Variants in ARL15 observed in about 807,000 individuals in gnomAD.
The protein encoded by ARL15 is ADP-ribosylation factor-like protein 15.
A neutral mutation model predicts 25.2 loss-of-function variants in ARL15; 19 were observed. That is an observed-to-expected ratio of 0.75 (90% confidence interval 0.53 to 1.10). The LOEUF is 1.10. Ranked by LOEUF, ARL15 falls within the 50% of genes least tolerant of loss-of-function variation. The probability of loss-of-function intolerance (pLI) is 0.00; values close to 1 mark genes in which losing one functional copy is unlikely to be tolerated. For missense variants in ARL15, 220 were observed against 246.0 expected (o/e 0.89, Z 0.71); for synonymous variants, 94 against 86.8 (o/e 1.08, Z -0.46).
At chr5:54,277,761 A>G (rs946300810) in intron 1 of ARL15, among the ~76,000 whole-genome samples, 1 of 152,228 alleles carries the variant, frequency 6.6e-6, no homozygotes, top group Non-Finnish European at 1.5e-5. Flanking sequence ...CAAAAAAAAA[A>G]AGAGAAAAGA....
chr5:54,036,798 T>C (rs995469577), intron 4 of ARL15, among the ~76,000 whole-genome samples: 3 of 152,152 alleles, frequency 2.0e-5, no homozygotes, highest in African/African-American at 4.8e-5. Context: ...CAAAATTAAA[T>C]AGATTTAGTG....
At chr5:54,202,202 A>G (rs1016373709) in intron 1 of ARL15, among the ~76,000 whole-genome samples, 24 of 152,218 alleles carry the variant, frequency 1.6e-4, no homozygotes, top group Admixed American at 1.3e-3. Flanking sequence ...TGTGTGATAC[A>G]GTATTATGGT....
rs569150378 is a variant in ARL15 at position 54,143,483 on chromosome 5, G to A, written c.253+11097C>T. On this transcript the variant is annotated intron_variant, in intron 3 of 4. Coordinates refer to ENST00000504924, the MANE Select transcript of ARL15 (RefSeq NM_019087.3). ...TTAACCTATCTTTTTTTGTAGAAGT[G>A]TCTTTTGTCACCATATATAGCTGAA... Among the ~76,000 whole-genome samples the A allele has an allele frequency of 5.3e-5, 8 of 151,478 alleles. No individual in the cohort carries two copies. The South Asian group carries it at 1.7e-3, about 32-fold the overall frequency.
chr5:54,179,616 G>T (rs907678950), intron 1 of ARL15, among the ~76,000 whole-genome samples: 3 of 152,024 alleles, frequency 2.0e-5, no homozygotes, highest in African/African-American at 7.2e-5. Flanking sequence ...AGATTGACTG[G>T]GATGGAAGAA....
chr5:54,060,710 T>A (rs1015333757), intron 4 of ARL15, among the ~76,000 whole-genome samples: 1 of 152,196 alleles, frequency 6.6e-6, no homozygotes. Flanking sequence ...GCTGAAAAGA[T>A]ACCTGAAAAT....
At chr5:54,236,499 T>C (rs896367796) in intron 1 of ARL15, among the ~76,000 whole-genome samples, 8 of 152,058 alleles carry the variant, frequency 5.3e-5, no homozygotes, top group Admixed American at 4.6e-4. Context: ...CATCCAATTT[T>C]AATTTGAGCA....
At chr5:54,000,575 C>T (rs1221029413) in intron 4 of ARL15, among the ~76,000 whole-genome samples, 1 of 152,124 alleles carries the variant, frequency 6.6e-6, no homozygotes, top group Non-Finnish European at 1.5e-5. Context: ...AAATCCTGCA[C>T]TAAAGTTTAA....
chr5:54,255,768 G>A (rs9292043), intron 1 of ARL15, among the ~76,000 whole-genome samples: 7 of 151,872 alleles, frequency 4.6e-5, no homozygotes, highest in East Asian at 3.9e-4. Context: ...ACTTTCAAAC[G>A]CTCAAAACTA....
Position 54,171,879 on chromosome 5 carries a change from T to C in ARL15, c.98A>G (p.Tyr33Cys). 6.2e-7 allele frequency: 1 copy of C among 1,613,624 alleles called. No individual in the cohort carries two copies. The highest frequency in any genetic ancestry group is 8.5e-7 in the Non-Finnish European group (1 of 1,179,682). Residue 33 changes from tyrosine (Y) to cysteine (C), a missense_variant, in exon 2 of 5, where the codon TAT (tyrosine) becomes TGT (cysteine). Coordinates refer to ENST00000504924, the MANE Select transcript of ARL15 (RefSeq NM_019087.3). ...TGTGAGGCCTATGCAAACCAGGTCATATTCTGGTCGTGCAGGTGGTGGTCC... is the reference window on the plus strand; with the variant it reads ...TGTGAGGCCTATGCAAACCAGGTCACATTCTGGTCGTGCAGGTGGTGGTCC... ...CKGPPPARPEYDLVCIGLTGS... is the reference protein window; with the variant it reads ...CKGPPPARPECDLVCIGLTGS...
intron 1 of ARL15, among the ~76,000 whole-genome samples, chr5:54,270,571 C>G (rs1327952267): frequency 6.6e-6 from 1 of 152,198 alleles, no homozygotes; most frequent in East Asian, 1.9e-4. Context: ...TAAGCACTTG[C>G]AACATGCCAG....
intron 4 of ARL15, 133 bp from the exon 5 acceptor site, chr5:53,886,846 A>G: frequency 1.2e-6 from 1 of 802,790 alleles, no homozygotes; most frequent in South Asian, 1.7e-5. Context: ...CAACTTTGCA[A>G]TGTGGATGCC....
chr5:54,042,691 G>A (rs546662806), intron 4 of ARL15, among the ~76,000 whole-genome samples: 8 of 152,132 alleles, frequency 5.3e-5, no homozygotes, highest in South Asian at 2.1e-4. Flanking sequence ...CTTTTAAGTC[G>A]TCATAGGACA....
intron 4 of ARL15, among the ~76,000 whole-genome samples, chr5:53,956,253 G>T (rs573728786): frequency 1.3e-5 from 2 of 151,660 alleles, no homozygotes; most frequent in African/African-American, 4.8e-5. Flanking sequence ...TACATCCCTC[G>T]TTTTAATAGT....
intron 4 of ARL15, among the ~76,000 whole-genome samples, chr5:54,111,512 G>C (rs553828572): frequency 6.6e-6 from 1 of 152,106 alleles, no homozygotes; most frequent in South Asian, 2.1e-4. Flanking sequence ...CATATGTTAG[G>C]TTTAAAGATA....
chr5:53,931,686 T>C (rs960699996), intron 4 of ARL15, among the ~76,000 whole-genome samples: 1 of 152,222 alleles, frequency 6.6e-6, no homozygotes, highest in Non-Finnish European at 1.5e-5. Context: ...TTTTCCTACA[T>C]AGTACATTGC....
At chr5:54,070,185 G>A (rs375361135) in intron 4 of ARL15, among the ~76,000 whole-genome samples, 5 of 151,458 alleles carry the variant, frequency 3.3e-5, no homozygotes, top group African/African-American at 1.2e-4. Flanking sequence ...GAAGTCAGGA[G>A]ATCAAGACCA....
intron 4 of ARL15, among the ~76,000 whole-genome samples, chr5:54,084,364 A>C (rs1277448482): frequency 6.8e-6 from 1 of 147,050 alleles, no homozygotes; most frequent in Non-Finnish European, 1.5e-5. Flanking sequence ...AGATCTGGAG[A>C]CTCCCAGAGG....
At chr5:54,296,974 A>T (rs891849054) in intron 1 of ARL15, among the ~76,000 whole-genome samples, 1 of 152,216 alleles carries the variant, frequency 6.6e-6, no homozygotes, top group Non-Finnish European at 1.5e-5. Flanking sequence ...GGAGGCACAG[A>T]GCAGTGTACA....
intron 4 of ARL15, among the ~76,000 whole-genome samples, chr5:54,049,407 T>C (rs1328323002): frequency 1.3e-5 from 2 of 151,854 alleles, no homozygotes; most frequent in Admixed American, 6.6e-5. Context: ...TGCCCAGCAC[T>C]ATACATAGGT....
Sources: gnomAD v4.1 joint callset for allele counts (sites outside exome capture counted in the v4.1 genomes callset) on GRCh38, gnomAD v4.1.1 for gene constraint, MANE v1.5 for transcripts, NCBI Gene and HGNC (gene_info 2026-07-23, HGNC 2026-07-21) for gene names.